Variants in SHROOM4 observed in about 807,000 individuals in gnomAD.
SHROOM4 encodes the protein protein Shroom4.
Under a neutral mutation model 80.3 loss-of-function variants are expected in SHROOM4, and 17 were observed. That is an observed-to-expected ratio of 0.21 (90% CI 0.14 to 0.32). SHROOM4 has a LOEUF of 0.32. Ranked by LOEUF, SHROOM4 falls within the 10% of genes least tolerant of loss-of-function variation. The pLI is 1.00. For missense variants in SHROOM4, 993 were observed against 1,140.3 expected (o/e 0.87, Z 1.86); for synonymous variants, 400 against 437.5 (o/e 0.91, Z 1.07).
chrX:50,673,672 G>A (rs1386419649), intron 2 of SHROOM4, among the ~76,000 whole-genome samples: 1 of 110,453 alleles, frequency 9.1e-6, no homozygotes, highest in Admixed American at 9.8e-5. Flanking sequence ...AATAATATAA[G>A]CAGGTTGAAA....
intron 1 of SHROOM4, among the ~76,000 whole-genome samples, chrX:50,723,393 G>GGAGAGAGAGAGAGAGAGAGA (rs782457909): frequency 1.8e-4 from 10 of 54,480 alleles, no homozygotes; most frequent in African/African-American, 6.6e-4. Flanking sequence ...AGCAAGGGAG[G>GGAGAGAGAGAGAGAGAGAGA]GAGAGAGAGA....
intron 1 of SHROOM4, among the ~76,000 whole-genome samples, chrX:50,710,839 C>A (rs943084380): frequency 9.0e-6 from 1 of 111,174 alleles, no homozygotes; most frequent in Non-Finnish European, 1.9e-5. Context: ...AAGCCAAAGT[C>A]CCTTTGGGTT....
intron 2 of SHROOM4, among the ~76,000 whole-genome samples, chrX:50,658,768 G>C (rs1466857786): frequency 9.0e-6 from 1 of 111,561 alleles, no homozygotes; most frequent in Non-Finnish European, 1.9e-5. Flanking sequence ...CTGAGGGCCA[G>C]GAGAGAACTT....
intron 1 of SHROOM4, among the ~76,000 whole-genome samples, chrX:50,731,730 T>A (rs1434442383): frequency 8.0e-5 from 9 of 111,964 alleles, no homozygotes; most frequent in Non-Finnish European, 1.5e-4. Context: ...CCATTGTCCC[T>A]ACCAGAGCCC....
intron 1 of SHROOM4, among the ~76,000 whole-genome samples, chrX:50,768,498 T>G: frequency 8.9e-6 from 1 of 112,038 alleles, no homozygotes; most frequent in East Asian, 2.8e-4. Context: ...CTAAGGGCGT[T>G]AAGTCTGCTT....
chrX:50,674,685 T>G (rs1932834085), intron 2 of SHROOM4, among the ~76,000 whole-genome samples: 1 of 111,572 alleles, frequency 9.0e-6, no homozygotes, highest in Non-Finnish European at 1.9e-5. Flanking sequence ...AAAATAGTTT[T>G]TAGACTTGAC....
intron 5 of SHROOM4, among the ~76,000 whole-genome samples, chrX:50,609,542 C>T (rs1026755662): frequency 2.7e-5 from 3 of 110,054 alleles, no homozygotes; most frequent in Middle Eastern, 4.8e-3. Context: ...ATAATCTTCC[C>T]CCAAAAAGGA....
intron 1 of SHROOM4, among the ~76,000 whole-genome samples, chrX:50,803,312 T>C (rs1462253936): frequency 1.8e-5 from 2 of 112,892 alleles, no homozygotes; most frequent in Admixed American, 9.3e-5. Flanking sequence ...GCTGGTTTCA[T>C]TGGCCATAGG....
At chrX:50,607,236 T>C (rs1929706559) in intron 6 of SHROOM4, 145 bp downstream of exon 6, 1 of 538,449 alleles carries the variant, frequency 1.9e-6, no homozygotes, top group Non-Finnish European at 3.2e-6. Context: ...AGTATCATTA[T>C]ACCCATTTTC....
At chrX:50,709,610 C>T (rs1438121797) in intron 1 of SHROOM4, among the ~76,000 whole-genome samples, 2 of 112,256 alleles carry the variant, frequency 1.8e-5, no homozygotes, top group East Asian at 5.6e-4. Context: ...GAAATTCCTG[C>T]TGTGCAGGTT....
intron 2 of SHROOM4, among the ~76,000 whole-genome samples, chrX:50,670,252 C>T (rs782496902): frequency 8.5e-4 from 93 of 109,927 alleles, no homozygotes; most frequent in African/African-American, 2.7e-3. Context: ...GATGCTATCC[C>T]TCCCCTAGCC....
intron 1 of SHROOM4, among the ~76,000 whole-genome samples, chrX:50,701,191 G>C (rs1397853538): frequency 8.9e-6 from 1 of 112,034 alleles, no homozygotes; most frequent in South Asian, 3.7e-4. Context: ...ATTAGCTCCA[G>C]TCAAATTCTA....
chrX:50,812,765 A>G (rs1569549440), intron 1 of SHROOM4, among the ~76,000 whole-genome samples: 4 of 110,390 alleles, frequency 3.6e-5, no homozygotes, highest in Non-Finnish European at 7.6e-5. Context: ...GCAAAAAAAA[A>G]GTGATATTTG....
At chrX:50,756,181 A>C (rs187453203) in intron 1 of SHROOM4, among the ~76,000 whole-genome samples, 23 of 111,709 alleles carry the variant, frequency 2.1e-4, no homozygotes, top group African/African-American at 6.8e-4. Flanking sequence ...AGCAACCACT[A>C]ATCACTTTCT....
chrX:50,683,104 C>A (rs1490476013), intron 2 of SHROOM4, among the ~76,000 whole-genome samples: 1 of 111,637 alleles, frequency 9.0e-6, no homozygotes, highest in Non-Finnish European at 1.9e-5. Context: ...TGCTCCTCAG[C>A]TTGCAGATGG....
Position 50,762,754 on chromosome X carries a change from T to G in SHROOM4, c.117+51148A>C, listed in dbSNP as rs182127939. Among the ~76,000 whole-genome samples, 500 of 112,092 alleles carry G rather than the reference T, an allele frequency of 4.5e-3. 3 individuals carry two copies. Among genetic ancestry groups the G allele is most frequent in the African/African-American group, 0.015 (467 of 30,921 alleles). On this transcript the variant is annotated intron_variant, in intron 1 of 8. Coordinates refer to ENST00000376020, the MANE Select transcript of SHROOM4 (RefSeq NM_020717.5). ...TCTCCATTTTCTTTCTGATGAGAAG[T>G]CAGCTATTCATCTTTTTGGAGTTCA... is the stretch of plus-strand genomic sequence containing the variant.
intron 2 of SHROOM4, among the ~76,000 whole-genome samples, chrX:50,639,524 T>C (rs1931503933): frequency 9.0e-6 from 1 of 110,732 alleles, no homozygotes; most frequent in South Asian, 3.9e-4. Flanking sequence ...AACAGAAAAA[T>C]TATTTTCATC....
chrX:50,635,494 G>A lies in SHROOM4; in HGVS notation c.579C>T (p.Phe193=). 8.3e-7 allele frequency: 1 copy of A among 1,211,265 alleles called. No homozygotes were observed. The highest frequency in any genetic ancestry group is 1.1e-6 in the Non-Finnish European group (1 of 895,269). ...PNQRDSAYSS[F]SASSNASDCA... ...AGTCAGAAGCATTTGAGCTGGCCGA[G>A]AAGGAGCTGTAGGCTGAGTCACGCT... is the stretch of plus-strand genomic sequence containing the variant. The change falls in exon 4 of 9, where the codon TTC becomes TTT. Residue 193 remains phenylalanine (F), a synonymous_variant. Coordinates refer to ENST00000376020, the MANE Select transcript of SHROOM4 (RefSeq NM_020717.5).
chrX:50,698,297 T>C (rs1933427569), intron 1 of SHROOM4, among the ~76,000 whole-genome samples: 1 of 112,110 alleles, frequency 8.9e-6, no homozygotes, highest in Non-Finnish European at 1.9e-5. Flanking sequence ...AGACTCCTTC[T>C]TGGACTACAG....
Sources: allele counts gnomAD v4.1 joint callset (sites outside exome capture counted in the v4.1 genomes callset), GRCh38; gene constraint gnomAD v4.1.1; transcripts MANE v1.5; gene names NCBI Gene and HGNC (gene_info 2026-07-23, HGNC 2026-07-21).